Variants in PPFIBP1 observed in about 807,000 individuals in gnomAD.
PPFIBP1 encodes the protein PPFIB scaffold protein 1.
A neutral mutation model predicts 137.8 loss-of-function variants in PPFIBP1; 112 were observed. The observed-to-expected ratio is 0.81, with a 90% CI of 0.70 to 0.95. The LOEUF is 0.95. Ranked by LOEUF, PPFIBP1 falls within the 40% of genes least tolerant of loss-of-function variation. The probability of loss-of-function intolerance (pLI) is 0.00; values close to 1 mark genes in which losing one functional copy is unlikely to be tolerated. For missense variants in PPFIBP1, 1,083 were observed against 1,196.6 expected (o/e 0.91, Z 1.40); for synonymous variants, 378 against 417.3 (o/e 0.91, Z 1.15).
At chr12:27,597,152 G>GATTT (rs1241467079) in intron 2 of PPFIBP1, among the ~76,000 whole-genome samples, 2 of 152,252 alleles carry the variant, frequency 1.3e-5, no homozygotes, top group East Asian at 3.9e-4. Flanking sequence ...GCCAAAATGA[G>GATTT]ATTTATTTAT....
intron 19 of PPFIBP1, chr12:27,677,783 G>A (rs2140304109): frequency 6.6e-6 from 1 of 152,382 alleles, no homozygotes; most frequent in African/African-American, 2.4e-5. Flanking sequence ...GGATAAGCTA[G>A]GCAGCATTTT....
chr12:27,684,822 T>C (rs2061100694), intron 24 of PPFIBP1, among the ~76,000 whole-genome samples: 1 of 151,962 alleles, frequency 6.6e-6, no homozygotes, highest in Admixed American at 6.6e-5. Context: ...TACAGAGGAG[T>C]TGCCAAAGCT....
intron 2 of PPFIBP1, among the ~76,000 whole-genome samples, chr12:27,582,678 G>A (rs1477500725): frequency 1.3e-5 from 2 of 152,176 alleles, no homozygotes; most frequent in Non-Finnish European, 2.9e-5. Context: ...TCAGCCAAGA[G>A]GAGACTTAAA....
At chr12:27,547,196 C>A (rs949509627) in intron 1 of PPFIBP1, 2 of 152,158 alleles carry the variant, frequency 1.3e-5, no homozygotes, top group Admixed American at 6.5e-5. Context: ...CAGATGTGGC[C>A]TCCTTTGCTC....
chr12:27,580,300 A>G (rs1264183777), intron 2 of PPFIBP1, among the ~76,000 whole-genome samples: 2 of 152,214 alleles, frequency 1.3e-5, no homozygotes, highest in African/African-American at 2.4e-5. Flanking sequence ...AAAAGTATAG[A>G]ACTAGGAAAA....
At chr12:27,622,077 A>G (rs2056394035) in intron 2 of PPFIBP1, among the ~76,000 whole-genome samples, 1 of 152,208 alleles carries the variant, frequency 6.6e-6, no homozygotes, top group African/African-American at 2.4e-5. Flanking sequence ...CGGTGCTAAC[A>G]GTTTTCCACT....
intron 6 of PPFIBP1, 136 bp from the exon 7 acceptor site, chr12:27,649,874 G>A: frequency 1.2e-6 from 1 of 814,464 alleles, no homozygotes; most frequent in South Asian, 2.1e-5. Flanking sequence ...TTTTTTAAAA[G>A]TGTGTAGATT....
At chr12:27,594,754 A>G (rs1431043418) in intron 2 of PPFIBP1, among the ~76,000 whole-genome samples, 1 of 152,130 alleles carries the variant, frequency 6.6e-6, no homozygotes, top group East Asian at 1.9e-4. Flanking sequence ...TACCTTCTAA[A>G]GGTAATAACT....
At chr12:27,529,070 T>C (rs974260648) in intron 1 of PPFIBP1, among the ~76,000 whole-genome samples, 10 of 152,238 alleles carry the variant, frequency 6.6e-5, no homozygotes, top group Non-Finnish European at 1.2e-4. Flanking sequence ...TGTCCATGCC[T>C]GAAGGAATTG....
intron 2 of PPFIBP1, among the ~76,000 whole-genome samples, chr12:27,592,173 G>A (rs73080206): frequency 2.1e-3 from 314 of 152,346 alleles, no homozygotes; most frequent in Middle Eastern, 0.01. Context: ...AGCCCGCAGA[G>A]AGGCTCAGGT....
chr12:27,624,612 C>T (rs1052713338), intron 2 of PPFIBP1, among the ~76,000 whole-genome samples: 1 of 152,196 alleles, frequency 6.6e-6, no homozygotes, highest in African/African-American at 2.4e-5. Flanking sequence ...ACTAGCTTTG[C>T]CTCTTTGTAT....
chr12:27,642,556 C>T (rs3794274), intron 4 of PPFIBP1, among the ~76,000 whole-genome samples: 37,481 of 151,980 alleles, frequency 0.25, 4,846 homozygotes, highest in East Asian at 0.28. Context: ...TAGTCATCTA[C>T]CTGAGGCAGA....
At chr12:27,650,252 G>T in intron 7 of PPFIBP1, 111 bp downstream of exon 7, 1 of 891,338 alleles carries the variant, frequency 1.1e-6, no homozygotes, top group Non-Finnish European at 1.6e-6. Context: ...GGTGTGCAAG[G>T]AAGGCAGTTA....
At chr12:27,550,144 G>C (rs559852960) in intron 1 of PPFIBP1, among the ~76,000 whole-genome samples, 24 of 152,302 alleles carry the variant, frequency 1.6e-4, no homozygotes, top group African/African-American at 5.8e-4. Flanking sequence ...ATACTCTCAG[G>C]CAAACTTTGA....
intron 2 of PPFIBP1, among the ~76,000 whole-genome samples, chr12:27,623,860 C>A (rs552475684): frequency 5.3e-5 from 8 of 152,220 alleles, no homozygotes; most frequent in African/African-American, 1.9e-4. Context: ...TTTGCGGAGC[C>A]ACTGAGTCAT....
chr12:27,657,194 G>C (rs1387922752), intron 9 of PPFIBP1: 4 of 152,982 alleles, frequency 2.6e-5, no homozygotes, highest in African/African-American at 7.2e-5. Flanking sequence ...ACCAGGGATT[G>C]AGCCCTCCAC....
At chr12:27,532,494 T>G (rs1372037489) in intron 1 of PPFIBP1, among the ~76,000 whole-genome samples, 2 of 152,062 alleles carry the variant, frequency 1.3e-5, no homozygotes, top group African/African-American at 2.4e-5. Flanking sequence ...TACATCTATA[T>G]TACATTACTC....
At chr12:27,682,134 C>T (rs2060912973) in intron 22 of PPFIBP1, among the ~76,000 whole-genome samples, 1 of 151,908 alleles carries the variant, frequency 6.6e-6, no homozygotes, top group African/African-American at 2.4e-5. Flanking sequence ...TCTTTTTATG[C>T]ATGCTACAGT....
At chr12:27,671,652 C>T in intron 14 of PPFIBP1, 106 bp downstream of exon 14, 1 of 611,210 alleles carries the variant, frequency 1.6e-6, no homozygotes, top group South Asian at 2.2e-5. Context: ...CCTAGAGAAG[C>T]AAGAAACTGC....
Sources: allele counts gnomAD v4.1 joint callset (sites outside exome capture counted in the v4.1 genomes callset), GRCh38; gene constraint gnomAD v4.1.1; transcripts MANE v1.5; gene names NCBI Gene and HGNC (gene_info 2026-07-23, HGNC 2026-07-21).